The following CYLC2 variants were observed in gnomAD, a reference collection of about 807,000 sequenced individuals.
CYLC2 encodes the protein cylicin-2.
A neutral mutation model predicts 26.1 loss-of-function variants in CYLC2; 30 were observed. The ratio of observed to expected loss-of-function variants is 1.15; its 90% CI spans 0.86 to 1.56. CYLC2 has a LOEUF of 1.56. Ranked by LOEUF, CYLC2 falls within the 40% of genes most tolerant of loss-of-function variation. The pLI is 0.00. For synonymous variants in CYLC2, 158 were observed against 132.8 expected (o/e 1.19, Z -1.31); for missense variants, 498 against 394.4 (o/e 1.26, Z -2.23).
chr9:103,007,687 T>G (rs1424744890), intron 5 of CYLC2, among the ~76,000 whole-genome samples: 1 of 152,130 alleles, frequency 6.6e-6, no homozygotes, highest in Non-Finnish European at 1.5e-5. Context: ...TGATTTAACA[T>G]TTTCTTAAAT....
intron 2 of CYLC2, among the ~76,000 whole-genome samples, chr9:103,002,566 A>T (rs184425891): frequency 4.6e-4 from 70 of 151,700 alleles, no homozygotes; most frequent in African/African-American, 1.5e-3. Flanking sequence ...GTTAGCCAGG[A>T]TGGTCTCGAT....
intron 5 of CYLC2, among the ~76,000 whole-genome samples, chr9:103,008,929 CT>C (rs2118249713): frequency 6.6e-6 from 1 of 152,252 alleles, no homozygotes; most frequent in African/African-American, 2.4e-5. Flanking sequence ...TGATGCCACA[CT>C]TACCATCAAC....
chr9:103,009,684 C>T (rs1296014154), intron 5 of CYLC2, among the ~76,000 whole-genome samples: 1 of 151,948 alleles, frequency 6.6e-6, no homozygotes, highest in African/African-American at 2.4e-5. Context: ...AATTTTTGTG[C>T]ATTAACGATT....
intron 5 of CYLC2, among the ~76,000 whole-genome samples, chr9:103,009,133 A>G (rs562587393): frequency 4.1e-4 from 62 of 152,306 alleles, no homozygotes; most frequent in Non-Finnish European, 7.4e-4. Context: ...CAATTCTCCT[A>G]GAACATCACA....
At chr9:103,009,003 A>C (rs1829379227) in intron 5 of CYLC2, among the ~76,000 whole-genome samples, 1 of 152,110 alleles carries the variant, frequency 6.6e-6, no homozygotes, top group Non-Finnish European at 1.5e-5. Flanking sequence ...CCCTGCCCTC[A>C]TGTGACAACA....
intron 2 of CYLC2, among the ~76,000 whole-genome samples, chr9:103,001,969 T>A (rs903678196): frequency 1.3e-5 from 2 of 152,174 alleles, no homozygotes; most frequent in Admixed American, 6.5e-5. Context: ...TGATAGATTA[T>A]AACCAGCTTA....
chr9:103,014,606 T>TACATCATATGTATATTACGCAGTAC lies in CYLC2; in HGVS notation c.*817-2265_*817-2264insCGCAGTACACATCATATGTATATTA, dbSNP rs1829471267. ...TACATCATATGTATATTATGCAGTA[T>TACATCATATGTATATTACGCAGTAC]ACATCATATGTATATTATGCAGTAT... On this transcript the variant is annotated intron_variant, in intron 6 of 7. Coordinates refer to ENST00000374798, the MANE Select transcript of CYLC2 (RefSeq NM_001340.5). Among the ~76,000 whole-genome samples the TACATCATATGTATATTACGCAGTAC allele has an allele frequency of 1.4e-5, 2 of 142,852 alleles. 1 individual carries two copies. The highest frequency in any genetic ancestry group is 5.2e-5 in the African/African-American group (2 of 38,534). 93.7% of individuals were successfully genotyped at this position (142,852 alleles called of 152,430 possible). A position where few individuals can be genotyped will look rare whatever the true frequency, so the allele number is the denominator to read the frequency against.
At chr9:102,999,747 T>C (rs1482687221) in intron 1 of CYLC2, among the ~76,000 whole-genome samples, 1 of 151,912 alleles carries the variant, frequency 6.6e-6, no homozygotes, top group Admixed American at 6.6e-5. Context: ...CTTATTTATT[T>C]TGTCAATTGG....
At chr9:103,000,201 A>T (rs1829274925) in intron 1 of CYLC2, among the ~76,000 whole-genome samples, 1 of 151,780 alleles carries the variant, frequency 6.6e-6, no homozygotes, top group African/African-American at 2.4e-5. Flanking sequence ...CTTTTGGACC[A>T]CTGGTTCTTT....
chr9:102,999,700 A>C (rs1244076561), intron 1 of CYLC2, among the ~76,000 whole-genome samples: 2 of 151,532 alleles, frequency 1.3e-5, no homozygotes, highest in East Asian at 3.9e-4. Context: ...TCTTTCAAAA[A>C]TTATTCTGCA....
intron 6 of CYLC2, among the ~76,000 whole-genome samples, chr9:103,016,192 G>A (rs1168921583): frequency 6.6e-6 from 1 of 151,724 alleles, no homozygotes; most frequent in Non-Finnish European, 1.5e-5. Context: ...TAATGGTTAA[G>A]AAACAGACCT....
intron 6 of CYLC2, among the ~76,000 whole-genome samples, chr9:103,013,260 TGTTA>T: frequency 9.8e-6 from 1 of 101,818 alleles, no homozygotes; most frequent in Non-Finnish European, 1.8e-5. Context: ...ATATTTAATG[TGTTA>T]TATATATTAT....
intron 7 of CYLC2, among the ~76,000 whole-genome samples, chr9:103,017,189 A>C (rs1205924016): frequency 6.6e-6 from 1 of 151,976 alleles, no homozygotes; most frequent in East Asian, 1.9e-4. Flanking sequence ...ATGGGATTTC[A>C]AAAGGGGATT....
chr9:103,008,286 T>A (rs902456190), intron 5 of CYLC2, among the ~76,000 whole-genome samples: 5 of 152,074 alleles, frequency 3.3e-5, no homozygotes, highest in African/African-American at 1.2e-4. Flanking sequence ...CATCACTAAA[T>A]TTTCTTGTAG....
chr9:103,008,273 C>T (rs879438103), intron 5 of CYLC2, among the ~76,000 whole-genome samples: 3 of 151,966 alleles, frequency 2.0e-5, no homozygotes, highest in African/African-American at 7.3e-5. Context: ...TACTGAGGTG[C>T]GCCATCACTA....
intron 6 of CYLC2, among the ~76,000 whole-genome samples, chr9:103,013,616 AT>A (rs1587855493): frequency 9.1e-6 from 1 of 109,836 alleles, no homozygotes; most frequent in East Asian, 2.8e-4. Context: ...TATTTTATAT[AT>A]AATATGTTAT....
At position 103,009,463 on chromosome 9, in the gene CYLC2, C is replaced by A. The variant is rs368468487; in HGVS notation, c.*701-2519C>A. 3.9e-5 allele frequency among the ~76,000 whole-genome samples: 6 copies of A among 152,152 alleles called. No homozygotes were observed. In the East Asian group the frequency reaches 1.2e-3, roughly 29 times the overall value. ...AAGCAATCCACCCGCCTCAGCCTCC[C>A]CAAGTGCTTGGATTACAGGAATGGT... is the stretch of plus-strand genomic sequence containing the variant. On this transcript the variant is annotated intron_variant, in intron 5 of 7. Transcript: ENST00000374798.
intron 6 of CYLC2, among the ~76,000 whole-genome samples, chr9:103,013,998 G>C (rs1295633929): frequency 1.0e-5 from 1 of 99,642 alleles, no homozygotes; most frequent in African/African-American, 3.9e-5. Context: ...TGATATTACA[G>C]TTATATTATA....
intron 6 of CYLC2, among the ~76,000 whole-genome samples, chr9:103,012,740 A>G (rs1564100111): frequency 6.6e-6 from 1 of 151,954 alleles, no homozygotes; most frequent in Admixed American, 6.6e-5. Context: ...AATATGTTCA[A>G]TAATCAATTT....
Sources: gnomAD v4.1 joint callset for allele counts (sites outside exome capture counted in the v4.1 genomes callset) on GRCh38, gnomAD v4.1.1 for gene constraint, MANE v1.5 for transcripts, NCBI Gene and HGNC (gene_info 2026-07-23, HGNC 2026-07-21) for gene names.